Variants in SLCO4A1 observed in about 807,000 individuals in gnomAD.
The protein encoded by SLCO4A1 is colon organic anion transporter.
SLCO4A1 carries 51 observed loss-of-function variants against 64.6 expected under a neutral mutation model. The observed-to-expected ratio is 0.79, with a 90% CI of 0.63 to 1.00. The LOEUF (loss-of-function observed/expected upper bound fraction) is 1.00. SLCO4A1 is among the 50% of genes least tolerant of loss of function. SLCO4A1 has a pLI of 0.00. For missense variants in SLCO4A1, 919 were observed against 980.5 expected (o/e 0.94, Z 0.84); for synonymous variants, 471 against 444.9 (o/e 1.06, Z -0.74).
At chr20:62,666,693 A>G in intron 7 of SLCO4A1, 118 bp downstream of exon 7, 1 of 901,350 alleles carries the variant, frequency 1.1e-6, no homozygotes, top group South Asian at 1.5e-5. Flanking sequence ...GCTACGTCAC[A>G]GGACAGCGGC....
intron 1 of SLCO4A1, among the ~76,000 whole-genome samples, chr20:62,654,355 G>A (rs1225086873): frequency 6.6e-6 from 1 of 152,250 alleles, no homozygotes; most frequent in African/African-American, 2.4e-5. Context: ...TCAGGTCCCA[G>A]GTGAACGTGA....
chr20:62,669,125 T>C (rs1986890656), intron 11 of SLCO4A1, 47 bp downstream of exon 11: 1 of 1,580,034 alleles, frequency 6.3e-7, no homozygotes, highest in African/African-American at 1.3e-5. Flanking sequence ...TGAGGGTGGC[T>C]GGGGGCTCCG....
chr20:62,648,610 G>A (rs1247579969), intron 1 of SLCO4A1, among the ~76,000 whole-genome samples: 1 of 152,260 alleles, frequency 6.6e-6, no homozygotes, highest in African/African-American at 2.4e-5. Context: ...CTCCATGGAG[G>A]TGATGGACCC....
At position 62,667,927 on chromosome 20, in the gene SLCO4A1, C is replaced by G. The variant is rs778648976; in HGVS notation, c.1638+17C>G. On this transcript the variant is annotated intron_variant, in intron 8 of 11. Transcript: ENST00000217159. ...GGCCAGAAGGTGAGTGGAGCCGCTG[C>G]CTACCGCCCCTGTCCTCCCCTGGAC... The G allele has an allele frequency of 6.8e-6, 11 of 1,614,024 alleles. No homozygotes were observed. The highest frequency in any genetic ancestry group is 1.6e-4 in the Middle Eastern group (1 of 6,062).
chr20:62,668,802 C>G lies in SLCO4A1; in HGVS notation c.1877-128C>G. 13 of 984,164 alleles carry G rather than the reference C, an allele frequency of 1.3e-5. No homozygotes were observed. In the South Asian group the frequency reaches 2.1e-4, roughly 16 times the overall value. 61.0% of individuals were successfully genotyped at this position (984,164 alleles called of 1,614,324 possible). On this transcript the variant is annotated intron_variant, in intron 10 of 11. Coordinates refer to ENST00000217159, the MANE Select transcript of SLCO4A1 (RefSeq NM_016354.4). The stretch of plus-strand genomic sequence containing the variant: ...AAGGAACGTTTAAGCCCTCTTTGCA[C>G]CCCCTGAGAACTCCAACGGCCAGTA...
chr20:62,654,530 C>T (rs1012371039), intron 1 of SLCO4A1, among the ~76,000 whole-genome samples: 16 of 152,212 alleles, frequency 1.1e-4, no homozygotes, highest in Non-Finnish European at 1.8e-4. Context: ...CTCTGCGCGT[C>T]GCCGGCTGTG....
chr20:62,685,597 G>C lies in SLCO4A1; in HGVS notation n.368G>C, dbSNP rs1310972619. Reference sequence around the variant, plus strand: ...GCTTTCTCTAGAGGGTGGACTGCCTGTGTTCTCCTGGGAGAGAATGCATTT... The same window carrying C: ...GCTTTCTCTAGAGGGTGGACTGCCTCTGTTCTCCTGGGAGAGAATGCATTT... On this transcript the variant is annotated non_coding_transcript_exon_variant, in exon 3 of 3. Transcript: ENST00000466818. The surrounding 1 kb of genome is among the most constrained non-coding windows in gnomAD (Gnocchi z 4.6). 5 of 276,232 alleles carry C rather than the reference G, an allele frequency of 1.8e-5. No homozygotes were observed. The highest frequency in any genetic ancestry group is 2.8e-5 in the Non-Finnish European group (5 of 181,650). 17.1% of individuals were successfully genotyped at this position (276,232 alleles called of 1,614,324 possible).
downstream of SLCO4A1, among the ~76,000 whole-genome samples, chr20:62,674,167 G>A (rs542401273): frequency 2.8e-4 from 42 of 152,342 alleles, no homozygotes; most frequent in East Asian, 7.9e-3. Flanking sequence ...CCCAGTGAGT[G>A]GTGGGCGAGG....
downstream of SLCO4A1, among the ~76,000 whole-genome samples, chr20:62,675,393 C>G (rs1987543225): frequency 6.6e-6 from 1 of 152,172 alleles, no homozygotes; most frequent in African/African-American, 2.4e-5. Context: ...ACCCCTCAGG[C>G]AGCTCCCAAG....
chr20:62,672,299 C>G, downstream of SLCO4A1: 1 of 1,097,786 alleles, frequency 9.1e-7, no homozygotes, highest in Non-Finnish European at 1.1e-6. Context: ...GCCTGCGTCC[C>G]CGTACCGCGT....
At chr20:62,665,311 G>C in intron 6 of SLCO4A1, 1 of 539,746 alleles carries the variant, frequency 1.9e-6, no homozygotes, top group Non-Finnish European at 3.2e-6. Flanking sequence ...ATGCTCCGTA[G>C]GTGGAAGGGT....
downstream of SLCO4A1, among the ~76,000 whole-genome samples, chr20:62,673,819 G>A (rs745904405): frequency 6.6e-5 from 10 of 152,252 alleles, no homozygotes; most frequent in Non-Finnish European, 1.0e-4. Context: ...ACCCAGCTCC[G>A]TGGTGCCTGA....
chr20:62,673,276 A>G (rs73918614), downstream of SLCO4A1, among the ~76,000 whole-genome samples: 11,590 of 130,224 alleles, frequency 0.089, 2,151 homozygotes, highest in Middle Eastern at 0.21. Context: ...TAGAGGGAGT[A>G]CAGGGGCTCT....
downstream of SLCO4A1, among the ~76,000 whole-genome samples, chr20:62,687,812 A>T (rs1308476484): frequency 6.6e-6 from 1 of 152,072 alleles, no homozygotes; most frequent in Non-Finnish European, 1.5e-5. Flanking sequence ...AGCCTAGCAC[A>T]GCCTCCAGGG....
At chr20:62,666,233 TGTG>T in intron 6 of SLCO4A1, 144 bp from the exon 7 acceptor site, 1 of 630,558 alleles carries the variant, frequency 1.6e-6, no homozygotes, top group Non-Finnish European at 2.8e-6. Flanking sequence ...AGCACTCAGG[TGTG>T]GTGTTGAGTG....
Position 62,661,044 on chromosome 20 carries a change from C to CCCCAGG in SLCO4A1, c.1010-20_1010-19insCCCAGG. The CCCCAGG allele has an allele frequency of 7.4e-7, 1 of 1,347,834 alleles. No homozygotes were observed. The highest frequency in any genetic ancestry group is 1.0e-6 in the Non-Finnish European group (1 of 1,002,460). 83.5% of individuals were successfully genotyped at this position (1,347,834 alleles called of 1,614,324 possible). On this transcript the variant is annotated intron_variant, in intron 4 of 11. Transcript: ENST00000217159. The surrounding 1 kb of genome is among the most constrained non-coding windows in gnomAD (Gnocchi z 5.2). ...GGGAGCCCCCAGCCCCCAGCCCCAGCTCACTCTGTGCCCTTCCAGGCTCCC... is the reference window on the plus strand; with the variant it reads ...GGGAGCCCCCAGCCCCCAGCCCCAGCCCCAGGTCACTCTGTGCCCTTCCAGGCTCCC...
Position 62,666,369 on chromosome 20 carries a change from C to T in SLCO4A1, c.1277-11C>T. ...GCCTGAGTCCCTGGCTGAATCCCTCCCTCTCCCCAGGGTACCTGGTGGTGC... is the reference window on the plus strand; with the variant it reads ...GCCTGAGTCCCTGGCTGAATCCCTCTCTCTCCCCAGGGTACCTGGTGGTGC... On this transcript the variant is annotated splice_polypyrimidine_tract_variant and intron_variant, in intron 6 of 11. Transcript: ENST00000217159. 1 of 1,611,162 alleles carries T rather than the reference C, an allele frequency of 6.2e-7. No homozygotes were observed. The highest frequency in any genetic ancestry group is 1.1e-5 in the South Asian group (1 of 90,974).
At chr20:62,659,479 C>A (rs1169640994) in intron 3 of SLCO4A1, among the ~76,000 whole-genome samples, 1 of 152,218 alleles carries the variant, frequency 6.6e-6, no homozygotes, top group African/African-American at 2.4e-5. Context: ...CTTACAAAAG[C>A]CCCTCTGGCC....
downstream of SLCO4A1, among the ~76,000 whole-genome samples, chr20:62,674,775 C>T (rs1479433691): frequency 1.3e-5 from 2 of 152,152 alleles, no homozygotes; most frequent in African/African-American, 2.4e-5. Context: ...GGTGGCCCCC[C>T]GATGGGATTC....
Sources: gnomAD v4.1 joint callset for allele counts (sites outside exome capture counted in the v4.1 genomes callset) on GRCh38, gnomAD v4.1.1 for gene constraint, Gnocchi (gnomAD v3.1) non-coding constraint, MANE v1.5 for transcripts, NCBI Gene and HGNC (gene_info 2026-07-23, HGNC 2026-07-21) for gene names.